SDSL: variants seen among roughly 807,000 people sequenced by gnomAD.
SDSL encodes serine dehydratase like, also known as serine dehydratase-like.
In SDSL, 26 loss-of-function variants were observed where a neutral mutation model predicts 27.6. That is an observed-to-expected ratio of 0.94 (90% confidence interval 0.69 to 1.31). The LOEUF (loss-of-function observed/expected upper bound fraction) is 1.31. Ranked by LOEUF, SDSL falls within the 50% of genes most tolerant of loss-of-function variation. The pLI is 0.00. For missense variants in SDSL, 431 were observed against 423.5 expected (o/e 1.02, Z -0.16); for synonymous variants, 196 against 180.6 (o/e 1.09, Z -0.69).
At chr12:113,431,577 G>GTTT (rs780942889) in intron 4 of SDSL, among the ~76,000 whole-genome samples, 14 of 141,922 alleles carry the variant, frequency 9.9e-5, no homozygotes, top group African/African-American at 3.3e-4. Context: ...ACAGGTAGTT[G>GTTT]TTTTTTTTTT....
chr12:113,434,150 A>T lies in SDSL; in HGVS notation c.371A>T (p.Asn124Ile), dbSNP rs1957963164. The T allele has an allele frequency of 6.2e-7, 1 of 1,613,726 alleles. No individual in the cohort carries two copies. The highest frequency in any genetic ancestry group is 2.2e-5 in the East Asian group (1 of 44,878). Reference protein sequence around the residue: ...QLTGKVWDEANLRAQELAKRD... With the variant: ...QLTGKVWDEAILRAQELAKRD... ...TCTCTGTAGGTCTGGGACGAGGCCA[A>T]TCTGAGGGCGCAAGAGTTGGCCAAG... Residue 124 changes from asparagine (N) to isoleucine (I), a missense_variant, in exon 5 of 8, where the codon AAT becomes ATT. Transcript: ENST00000403593.
At chr12:113,431,863 C>A (rs547537650) in intron 4 of SDSL, among the ~76,000 whole-genome samples, 2 of 151,714 alleles carry the variant, frequency 1.3e-5, no homozygotes, top group African/African-American at 4.8e-5. Context: ...CTCAGCCTCC[C>A]GAGTAGCTGG....
chr12:113,426,553 A>G (rs1396811651), intron 1 of SDSL, among the ~76,000 whole-genome samples: 1 of 152,378 alleles, frequency 6.6e-6, no homozygotes, highest in Non-Finnish European at 1.5e-5. Context: ...TATAATTTAC[A>G]TAAAATAAAA....
At chr12:113,424,409 G>A (rs1957825178) in intron 1 of SDSL, among the ~76,000 whole-genome samples, 1 of 152,024 alleles carries the variant, frequency 6.6e-6, no homozygotes, top group Non-Finnish European at 1.5e-5. Context: ...TTCTCTTTAG[G>A]ACTCCCTATA....
chr12:113,428,260 A>G, intron 2 of SDSL, 104 bp downstream of exon 2: 4 of 1,331,772 alleles, frequency 3.0e-6, no homozygotes, highest in Non-Finnish European at 4.2e-6. Context: ...GGAAACATGA[A>G]CTCGTGCAGA....
rs760478193 is a variant in SDSL at position 113,435,526 on chromosome 12, G to T, written c.641G>T (p.Gly214Val). The T allele has an allele frequency of 1.9e-6, 3 of 1,613,864 alleles. No homozygotes were observed. The Admixed American group carries it at 5.0e-5, about 27-fold the overall frequency. ...AHCFNAAITAGKLVTLPDITS... is the reference protein window; with the variant it reads ...AHCFNAAITAVKLVTLPDITS... Reference sequence around the variant, plus strand: ...TGCTTCAATGCGGCCATCACAGCCGGCAAGCTGGTCACACTTCCAGACATC... The same window carrying T: ...TGCTTCAATGCGGCCATCACAGCCGTCAAGCTGGTCACACTTCCAGACATC... Residue 214 changes from glycine to valine, a missense_variant, in exon 6 of 8, where the codon GGC becomes GTC. Transcript: ENST00000403593.
chr12:113,425,854 T>C, intron 1 of SDSL: 1 of 395,344 alleles, frequency 2.5e-6, no homozygotes, highest in South Asian at 1.9e-5. Context: ...TCAGGCGTGG[T>C]GACGTGTGCC....
chr12:113,429,493 GC>G (rs2136953028), intron 4 of SDSL, among the ~76,000 whole-genome samples, 194 bp downstream of exon 4: 1 of 152,268 alleles, frequency 6.6e-6, no homozygotes, highest in Non-Finnish European at 1.5e-5. Context: ...ACTTTCCTCT[GC>G]CCACCCTGAG....
rs1374992469 is a variant in SDSL, at chr12:113,429,420, C to G, written c.354+121C>G. The G allele has an allele frequency of 5.4e-6, 6 of 1,105,412 alleles. No homozygotes were observed. The African/African-American group carries it at 6.2e-5, about 12-fold the overall frequency. 68.5% of individuals were successfully genotyped at this position (1,105,412 alleles called of 1,614,324 possible). ...AGCTGTGGCTGGGACCCAGTCCTCT[C>G]TCAGGATAGCTGAGCTGAGGGGGGA... On this transcript the variant is annotated intron_variant, in intron 4 of 7. Transcript: ENST00000403593.
intron 6 of SDSL, among the ~76,000 whole-genome samples, 183 bp from the exon 7 acceptor site, chr12:113,436,568 C>T (rs1216343873): frequency 1.3e-5 from 2 of 152,270 alleles, no homozygotes; most frequent in South Asian, 2.1e-4. Context: ...GGATTACAGG[C>T]GTGAGCCACT....
At position 113,437,940 on chromosome 12, in the gene SDSL, A is replaced by G; in HGVS notation, c.851A>G (p.Tyr284Cys). The G allele has an allele frequency of 1.9e-6, 3 of 1,613,888 alleles. No homozygotes were observed. In the South Asian group the frequency reaches 3.3e-5, roughly 18 times the overall value. Residue 284 changes from tyrosine to cysteine, a missense_variant, in exon 8 of 8, where the codon TAC becomes TGC. By Grantham distance (194) the Tyr-to-Cys change is radical (BLOSUM62 -2). Coordinates refer to ENST00000403593, the MANE Select transcript of SDSL (RefSeq NM_001304993.2). ...TGTGGGGCAGCCTTAGCAGCCATCT[A>G]CTCAGGCCTCCTGCGGAGGCTCCAG... The part of the protein sequence containing the change: ...PACGAALAAI[Y>C]SGLLRRLQAE...
chr12:113,431,856 A>G (rs532589679), intron 4 of SDSL, among the ~76,000 whole-genome samples: 1 of 150,156 alleles, frequency 6.7e-6, no homozygotes, highest in East Asian at 2.0e-4. Context: ...CTCCTGCCTC[A>G]GCCTCCCGAG....
chr12:113,432,260 C>CT (rs1392135291), intron 4 of SDSL, among the ~76,000 whole-genome samples: 7 of 137,692 alleles, frequency 5.1e-5, no homozygotes, highest in Admixed American at 7.3e-5. Flanking sequence ...TTCTTTCTTT[C>CT]TTTCTTTCTT....
intron 1 of SDSL, chr12:113,427,347 G>A (rs1340487650): frequency 6.5e-6 from 1 of 153,264 alleles, no homozygotes; most frequent in Admixed American, 6.5e-5. Flanking sequence ...CTGACCTCAA[G>A]TGATCTGCCT....
intron 1 of SDSL, chr12:113,426,155 G>A (rs1355620264): frequency 2.2e-6 from 1 of 454,254 alleles, no homozygotes; most frequent in Non-Finnish European, 4.4e-6. Flanking sequence ...CTCACCTCCT[G>A]CCCCAAACCC....
chr12:113,431,879 C>T (rs1353739650), intron 4 of SDSL, among the ~76,000 whole-genome samples: 2 of 151,598 alleles, frequency 1.3e-5, no homozygotes, highest in African/African-American at 4.8e-5. Context: ...GCTGGGACTA[C>T]AGGCCAGCTA....
At position 113,434,143 on chromosome 12, in the gene SDSL, G is replaced by A. The variant is rs371602229; in HGVS notation, c.364G>A (p.Glu122Lys). 7.4e-6 allele frequency: 12 copies of A among 1,613,488 alleles called. No homozygotes were observed. The highest frequency in any genetic ancestry group is 6.7e-5 in the Admixed American group (4 of 59,938). Reference protein sequence around the residue: ...EVQLTGKVWDEANLRAQELAK... With the variant: ...EVQLTGKVWDKANLRAQELAK... ...CTTGGTTTCTCTGTAGGTCTGGGAC[G>A]AGGCCAATCTGAGGGCGCAAGAGTT... Residue 122 changes from glutamate (E) to lysine (K), a missense_variant, in exon 5 of 8, where the codon GAG becomes AAG. Physicochemically the swap from Glu to Lys is moderately conservative, Grantham distance 56. Coordinates refer to ENST00000403593, the MANE Select transcript of SDSL (RefSeq NM_001304993.2).
In SDSL at chr12:113,429,243, C is replaced by T. The variant is rs1279286706; in HGVS notation, c.298C>T (p.Leu100=). Reference sequence around the variant, plus strand: ...CATCGTGCTCCCCGAGAGCACCTCCCTGCAGGTGGTGCAGAGGCTGCAGGG... The same window carrying T: ...CATCGTGCTCCCCGAGAGCACCTCCTTGCAGGTGGTGCAGAGGCTGCAGGG... ...ATIVLPESTS[L]QVVQRLQGEG... Residue 100 remains leucine (L), a synonymous_variant, in exon 4 of 8, where the codon CTG becomes TTG. Coordinates refer to ENST00000403593, the MANE Select transcript of SDSL (RefSeq NM_001304993.2). 1.2e-6 allele frequency: 2 copies of T among 1,613,780 alleles called. No homozygotes were observed. Among genetic ancestry groups the T allele is most frequent in the Admixed American group, 1.7e-5 (1 of 60,010 alleles).
chr12:113,435,539 A>G lies in SDSL; in HGVS notation c.654A>G (p.Thr218=), dbSNP rs533030548. ...CCATCACAGCCGGCAAGCTGGTCAC[A>G]CTTCCAGACATCACCAGGTGGGTAA... is the stretch of plus-strand genomic sequence containing the variant. The part of the protein sequence containing the change: ...NAAITAGKLV[T]LPDITSVAKS... Residue 218 remains threonine, a synonymous_variant, in exon 6 of 8, where the codon ACA becomes ACG. Transcript: ENST00000403593. The G allele has an allele frequency of 6.1e-5, 99 of 1,613,448 alleles. No homozygotes were observed. In the South Asian group the frequency reaches 7.7e-4, roughly 13 times the overall value.
Sources: gnomAD v4.1 joint callset for allele counts (sites outside exome capture counted in the v4.1 genomes callset) on GRCh38, gnomAD v4.1.1 for gene constraint, MANE v1.5 for transcripts, NCBI Gene and HGNC (gene_info 2026-07-23, HGNC 2026-07-21) for gene names.